Variants in C19orf81 observed in about 807,000 individuals in gnomAD.
C19orf81 encodes the protein chromosome 19 open reading frame 81, also known as putative uncharacterized protein C19orf81.
Under a neutral mutation model 22.1 loss-of-function variants are expected in C19orf81, and 19 were observed. That is an observed-to-expected ratio of 0.86 (90% CI 0.60 to 1.26). C19orf81 has a LOEUF of 1.26. C19orf81 is among the 50% of genes most tolerant of loss of function. The pLI is 0.00. For synonymous variants in C19orf81, 108 were observed against 113.1 expected (o/e 0.95, Z 0.29); for missense variants, 287 against 280.7 (o/e 1.02, Z -0.16).
intron 1 of C19orf81, among the ~76,000 whole-genome samples, chr19:50,655,169 G>A (rs1984966319): frequency 6.6e-6 from 1 of 152,202 alleles, no homozygotes; most frequent in Admixed American, 6.5e-5. Context: ...CTCTAGCTGG[G>A]AAGCCATGTG....
chr19:50,656,999 G>A (rs548351211), intron 3 of C19orf81, among the ~76,000 whole-genome samples: 4 of 149,388 alleles, frequency 2.7e-5, no homozygotes, highest in Non-Finnish European at 5.9e-5. Context: ...AAGGAAGGGA[G>A]GGAGGGAAAG....
Position 50,654,840 on chromosome 19 carries a change from T to C in C19orf81, c.68-1210T>C, listed in dbSNP as rs1487847298. ...AGAGATAGGGTGTTGCTATGTTACC[T>C]GCCTCAGCTGGTCAAGAACCAGAAT... On this transcript the variant is annotated intron_variant, in intron 1 of 4. Coordinates refer to ENST00000425202, the MANE Select transcript of C19orf81 (RefSeq NM_001195076.2). Among the ~76,000 whole-genome samples the C allele has an allele frequency of 2.0e-5, 3 of 152,168 alleles. No individual in the cohort carries two copies. The East Asian group carries it at 5.8e-4, about 29-fold the overall frequency.
At position 50,659,038 on chromosome 19, in the gene C19orf81, C is replaced by T. The variant is rs767601758; in HGVS notation, c.493C>T (p.His165Tyr). The change falls in exon 5 of 5, where the codon CAC (histidine) becomes TAC (tyrosine). Residue 165 changes from histidine (H) to tyrosine (Y), a missense_variant. Coordinates refer to ENST00000425202, the MANE Select transcript of C19orf81 (RefSeq NM_001195076.2). ...PRGLAHQIVRHDDLLLGDYRL... is the reference protein window; with the variant it reads ...PRGLAHQIVRYDDLLLGDYRL... ...CGGGCTTGCGCACCAGATCGTGCGC[C>T]ACGACGACCTCCTGCTGGGCGACTA... is the stretch of plus-strand genomic sequence containing the variant. The T allele has an allele frequency of 6.5e-7, 1 of 1,529,582 alleles. No individual in the cohort carries two copies. Among genetic ancestry groups the T allele is most frequent in the African/African-American group, 1.4e-5 (1 of 72,542 alleles). 94.8% of individuals were successfully genotyped at this position (1,529,582 alleles called of 1,614,324 possible). A position where few individuals can be genotyped will look rare whatever the true frequency, so the allele number is the denominator to read the frequency against.
chr19:50,653,682 G>GCACACACACACACA (rs57915687), intron 1 of C19orf81, among the ~76,000 whole-genome samples: 4 of 121,844 alleles, frequency 3.3e-5, no homozygotes, highest in Non-Finnish European at 6.9e-5. Flanking sequence ...ATGAGAGACA[G>GCACACACACACACA]CACACACACA....
At chr19:50,655,943 C>A (rs1984984460) in intron 1 of C19orf81, 107 bp from the exon 2 acceptor site, 2 of 1,053,900 alleles carry the variant, frequency 1.9e-6, no homozygotes, top group African/African-American at 1.6e-5. Context: ...ATCTGGCATA[C>A]AAGCTATTCT....
Position 50,658,078 on chromosome 19 carries a change from C to G in C19orf81, c.351C>G (p.Ile117Met). The change falls in exon 4 of 5, where the codon ATC becomes ATG. Residue 117 changes from isoleucine to methionine, a missense_variant. Coordinates refer to ENST00000425202, the MANE Select transcript of C19orf81 (RefSeq NM_001195076.2). ...TGGAGAGCGGGCGCGTGAGCAGCAT[C>G]CGCTTTGAGAACATGAACGTCATCT... ...GAMESGRVSS[I>M]RFENMNVICG... 6.5e-7 allele frequency: 1 copy of G among 1,536,004 alleles called. No homozygotes were observed. The highest frequency in any genetic ancestry group is 8.7e-7 in the Non-Finnish European group (1 of 1,146,848).
intron 1 of C19orf81, among the ~76,000 whole-genome samples, chr19:50,651,094 C>T (rs1984869716): frequency 6.6e-6 from 1 of 152,214 alleles, no homozygotes; most frequent in Admixed American, 6.5e-5. Context: ...CCCCTGGGTC[C>T]CAAGCATTTT....
At chr19:50,651,056 G>T (rs1984868660) in intron 1 of C19orf81, among the ~76,000 whole-genome samples, 1 of 152,200 alleles carries the variant, frequency 6.6e-6, no homozygotes, top group Non-Finnish European at 1.5e-5. Flanking sequence ...TGATCAGGTT[G>T]CAAACTTCAG....
intron 1 of C19orf81, among the ~76,000 whole-genome samples, chr19:50,654,619 C>T (rs1050621419): frequency 2.0e-5 from 3 of 150,386 alleles, no homozygotes; most frequent in African/African-American, 7.3e-5. Flanking sequence ...CCCTCCCTTC[C>T]TTCCTTCCTT....
At chr19:50,653,102 A>G (rs1253872306) in intron 1 of C19orf81, among the ~76,000 whole-genome samples, 2 of 152,194 alleles carry the variant, frequency 1.3e-5, no homozygotes, top group Non-Finnish European at 2.9e-5. Context: ...CAGTGGCACG[A>G]TCCCGGCTCA....
Position 50,656,345 on chromosome 19 carries a change from T to C in C19orf81, c.260T>C (p.Leu87Ser). The C allele has an allele frequency of 1.3e-6, 2 of 1,534,752 alleles. No homozygotes were observed. Among genetic ancestry groups the C allele is most frequent in the Middle Eastern group, 3.3e-4 (2 of 5,990 alleles). ...CCCCTCTGCCTCTGCATGGAGACCTTGGTGAGTGGACCTGTGCCCTTATTT... is the reference window on the plus strand; with the variant it reads ...CCCCTCTGCCTCTGCATGGAGACCTCGGTGAGTGGACCTGTGCCCTTATTT... The part of the protein sequence containing the change: ...SQPLCLCMET[L>S]PEEDFTHLEV... Residue 87 changes from leucine to serine, a missense_variant and splice_region_variant, in exon 3 of 5, where the codon TTG (leucine) becomes TCG (serine). Physicochemically the swap from Leu to Ser is moderately radical, Grantham distance 145. Coordinates refer to ENST00000425202, the MANE Select transcript of C19orf81 (RefSeq NM_001195076.2).
chr19:50,658,383 T>TG (rs58172623), intron 4 of C19orf81: 1,866 of 80,640 alleles, frequency 0.023, 48 homozygotes, highest in African/African-American at 0.088. Context: ...AGTGACAGCT[T>TG]GGGGGGGCGG....
chr19:50,655,964 T>C (rs1346353800), intron 1 of C19orf81, 86 bp from the exon 2 acceptor site: 4 of 1,300,188 alleles, frequency 3.1e-6, no homozygotes, highest in Non-Finnish European at 4.3e-6. Flanking sequence ...GGGTGTGGCA[T>C]GGGCAAGCAA....
At chr19:50,651,140 GT>G (rs1984870523) in intron 1 of C19orf81, among the ~76,000 whole-genome samples, 1 of 152,222 alleles carries the variant, frequency 6.6e-6, no homozygotes, top group African/African-American at 2.4e-5. Context: ...GGCCTGGCTT[GT>G]TCTCATGCTG....
chr19:50,655,181 T>A (rs1002638059), intron 1 of C19orf81, among the ~76,000 whole-genome samples: 2 of 152,212 alleles, frequency 1.3e-5, no homozygotes, highest in Non-Finnish European at 2.9e-5. Flanking sequence ...AGCCATGTGC[T>A]GGGTAAAACT....
intron 3 of C19orf81, among the ~76,000 whole-genome samples, chr19:50,657,562 T>C (rs1416403309): frequency 1.3e-5 from 2 of 152,208 alleles, no homozygotes; most frequent in Non-Finnish European, 2.9e-5. Context: ...CTACTGAACA[T>C]TCTTAAAATG....
rs1440052328 is a variant in C19orf81, at chr19:50,658,073, A to G, written c.346A>G (p.Ser116Gly). Residue 116 changes from serine to glycine, a missense_variant, in exon 4 of 5, where the codon AGC becomes GGC. Ser to Gly is a moderately conservative substitution (Grantham distance 56, BLOSUM62 0). Coordinates refer to ENST00000425202, the MANE Select transcript of C19orf81 (RefSeq NM_001195076.2). Reference sequence around the variant, plus strand: ...GGCCATGGAGAGCGGGCGCGTGAGCAGCATCCGCTTTGAGAACATGAACGT... The same window carrying G: ...GGCCATGGAGAGCGGGCGCGTGAGCGGCATCCGCTTTGAGAACATGAACGT... Reference protein sequence around the residue: ...PGAMESGRVSSIRFENMNVIC... With the variant: ...PGAMESGRVSGIRFENMNVIC... 2 of 1,536,010 alleles carry G rather than the reference A, an allele frequency of 1.3e-6. No individual in the cohort carries two copies. The highest frequency in any genetic ancestry group is 2.4e-5 in the South Asian group (2 of 84,038).
In C19orf81 at chr19:50,658,989, G is replaced by A. The variant is rs1303740421; in HGVS notation, c.444G>A (p.Leu148=). The A allele has an allele frequency of 6.6e-7, 1 of 1,522,424 alleles. No individual in the cohort carries two copies. The highest frequency in any genetic ancestry group is 1.2e-5 in the South Asian group (1 of 82,512). The allele number at this position is 1,522,424 out of a possible 1,614,324, so 94.3% of individuals were successfully genotyped here. ...AVTDFQTRSR[L]LRSGLSPRGL... is the part of the protein sequence containing the mutation. The stretch of plus-strand genomic sequence containing the variant: ...CGGACTTCCAGACGCGCTCGCGCTT[G>A]CTGCGCTCCGGGCTCAGTCCCCGCG... The change falls in exon 5 of 5, where the codon TTG becomes TTA. Residue 148 remains leucine, a synonymous_variant. Transcript: ENST00000425202.
At chr19:50,650,903 A>T (rs1324496344) in intron 1 of C19orf81, among the ~76,000 whole-genome samples, 1 of 152,212 alleles carries the variant, frequency 6.6e-6, no homozygotes, top group Non-Finnish European at 1.5e-5. Context: ...TGAGGCACCC[A>T]CGTGACATGT....
Sources: gnomAD v4.1 joint callset for allele counts (sites outside exome capture counted in the v4.1 genomes callset) on GRCh38, gnomAD v4.1.1 for gene constraint, MANE v1.5 for transcripts, NCBI Gene and HGNC (gene_info 2026-07-23, HGNC 2026-07-21) for gene names.